The following XXYLT1 variants were observed in gnomAD, a reference collection of about 807,000 sequenced individuals.
The protein encoded by XXYLT1 is UDP-xylose:alpha-xyloside alpha-1,3-xylosyltransferase.
Under a neutral mutation model 28.9 loss-of-function variants are expected in XXYLT1, and 20 were observed. The ratio of observed to expected loss-of-function variants is 0.69; its 90% CI spans 0.49 to 1.00. XXYLT1 has a LOEUF of 1.00. XXYLT1 is among the 50% of genes least tolerant of loss of function. The pLI, the probability that XXYLT1 is intolerant of heterozygous loss-of-function variation, is 0.00. For synonymous variants in XXYLT1, 257 were observed against 253.8 expected (o/e 1.01, Z -0.12); for missense variants, 542 against 560.1 (o/e 0.97, Z 0.33).
chr3:195,209,864 C>G lies in XXYLT1; in HGVS notation c.652+16845G>C, dbSNP rs983263965. On this transcript the variant is annotated intron_variant, in intron 2 of 3. Transcript: ENST00000310380. This position sits in a 1 kb window ranked among gnomAD's most constrained non-coding sequence, Gnocchi z 5.0. ...AGCAGGCCCGAGACTCCGTCCAAGG[C>G]GGCTGACCAGCAGGACCTGGCCATC... 5 of 151,402 alleles carry G rather than the reference C, an allele frequency of 3.3e-5. No homozygotes were observed. Among genetic ancestry groups the G allele is most frequent in the African/African-American group, 9.9e-5 (4 of 40,240 alleles). The allele number at this position is 151,402 out of a possible 1,614,324, so 9.4% of individuals were successfully genotyped here.
chr3:195,228,357 T>C (rs996320931), intron 1 of XXYLT1, among the ~76,000 whole-genome samples: 2 of 151,948 alleles, frequency 1.3e-5, no homozygotes, highest in Admixed American at 1.3e-4. Flanking sequence ...CCCCTTTCCC[T>C]CCACCTGCCC....
chr3:195,252,727 CAGAGAGAGAG>C (rs10649695), intron 1 of XXYLT1, among the ~76,000 whole-genome samples: 1 of 119,010 alleles, frequency 8.4e-6, no homozygotes, highest in Non-Finnish European at 1.7e-5. Context: ...CACACACACA[CAGAGAGAGAG>C]AGAGAGAGAG....
At chr3:195,261,114 G>A (rs1321963904) in intron 1 of XXYLT1, among the ~76,000 whole-genome samples, 1 of 152,228 alleles carries the variant, frequency 6.6e-6, no homozygotes, top group Non-Finnish European at 1.5e-5. Flanking sequence ...GCTCAAGTGA[G>A]GCGTCTGCAC....
At chr3:195,110,861 G>GTGTGTGGTGTA (rs1717661454) in intron 3 of XXYLT1, among the ~76,000 whole-genome samples, 1 of 109,914 alleles carries the variant, frequency 9.1e-6, no homozygotes, top group Admixed American at 9.5e-5. Flanking sequence ...TTGTATAAGT[G>GTGTGTGGTGTA]TGTGTGTGGT....
chr3:195,245,149 G>A (rs988033891), intron 1 of XXYLT1, among the ~76,000 whole-genome samples: 5 of 150,242 alleles, frequency 3.3e-5, no homozygotes, highest in African/African-American at 4.9e-5. Context: ...CTTATGTGTA[G>A]CCCAAGAAAA....
In XXYLT1 at chr3:195,195,089, A is replaced by T. The variant is rs538772590; in HGVS notation, c.652+31620T>A. On this transcript the variant is annotated intron_variant, in intron 2 of 3. Coordinates refer to ENST00000310380, the MANE Select transcript of XXYLT1 (RefSeq NM_152531.5). The surrounding 1 kb of genome is among the most constrained non-coding windows in gnomAD (Gnocchi z 4.4). The stretch of plus-strand genomic sequence containing the variant: ...CTCAACAAAGCTGGGTTTTTTTTTT[A>T]AAAGGACAATGTACATAAAAATTCT... 1.5e-4 allele frequency among the ~76,000 whole-genome samples: 22 copies of T among 151,494 alleles called. No homozygotes were observed. Among genetic ancestry groups the T allele is most frequent in the South Asian group, 1.3e-3 (6 of 4,772 alleles).
Position 195,256,507 on chromosome 3 carries a change from A to G in XXYLT1, c.504+14048T>C, listed in dbSNP as rs1315088946. On this transcript the variant is annotated intron_variant, in intron 1 of 3. Coordinates refer to ENST00000310380, the MANE Select transcript of XXYLT1 (RefSeq NM_152531.5). This position sits in a 1 kb window ranked among gnomAD's most constrained non-coding sequence, Gnocchi z 4.2. ...GGAAGTCAGCACGGAAGCCTCACCT[A>G]GGGTCATTCCAGGGATTATCCCAGA... The G allele has an allele frequency of 1.0e-6, 1 of 985,276 alleles. No individual in the cohort carries two copies. Among genetic ancestry groups the G allele is most frequent in the Admixed American group, 6.1e-5 (1 of 16,272 alleles). 61.0% of individuals were successfully genotyped at this position (985,276 alleles called of 1,614,324 possible). A position where few individuals can be genotyped will look rare whatever the true frequency, so the allele number is the denominator to read the frequency against.
At chr3:195,226,007 G>A (rs1169856905) in intron 2 of XXYLT1, among the ~76,000 whole-genome samples, 2 of 152,092 alleles carry the variant, frequency 1.3e-5, no homozygotes, top group South Asian at 2.1e-4. Flanking sequence ...TATGAACAGC[G>A]TGAGAACAGA....
chr3:195,172,939 G>A (rs889036032), intron 2 of XXYLT1, among the ~76,000 whole-genome samples: 1 of 152,190 alleles, frequency 6.6e-6, no homozygotes, highest in Admixed American at 6.5e-5. Context: ...AGGAAGAAAG[G>A]TACTAAAGCT....
Position 195,104,253 on chromosome 3 carries a change from T to C in XXYLT1, c.786-34142A>G, listed in dbSNP as rs565027984. ...TGTGTGTGTGTGTGTGTGTATTTTA[T>C]GAGAGGGCAGATGCCATGAGAGGAA... On this transcript the variant is annotated intron_variant, in intron 3 of 3. Coordinates refer to ENST00000310380, the MANE Select transcript of XXYLT1 (RefSeq NM_152531.5). 9.3e-4 allele frequency among the ~76,000 whole-genome samples: 137 copies of C among 147,756 alleles called. 1 individual carries two copies. Among genetic ancestry groups the C allele is most frequent in the African/African-American group, 3.2e-3 (128 of 39,450 alleles).
Position 195,084,362 on chromosome 3 carries a change from G to A in XXYLT1, c.786-14251C>T, listed in dbSNP as rs191490335. Among the ~76,000 whole-genome samples the A allele has an allele frequency of 2.9e-3, 436 of 152,090 alleles. 2 individuals are homozygous for A. Among genetic ancestry groups the A allele is most frequent in the Non-Finnish European group, 5.1e-3 (349 of 67,988 alleles). On this transcript the variant is annotated intron_variant, in intron 3 of 3. Coordinates refer to ENST00000310380, the MANE Select transcript of XXYLT1 (RefSeq NM_152531.5). ...AGGCAGGAGGCCCGATTCAAGTCAG[G>A]GCCCTGGCCCTAGACCCAAAATCTT...
At chr3:195,142,557 A>G (rs1208307101) in intron 3 of XXYLT1, among the ~76,000 whole-genome samples, 1 of 152,240 alleles carries the variant, frequency 6.6e-6, no homozygotes, top group African/African-American at 2.4e-5. Context: ...AAAAGGGGCC[A>G]CCTAATTAGT....
At position 195,129,929 on chromosome 3, in the gene XXYLT1, C is replaced by T. The variant is rs1191725058; in HGVS notation, c.785+26520G>A. Among the ~76,000 whole-genome samples, 1 of 152,182 alleles carries T rather than the reference C, an allele frequency of 6.6e-6. No individual in the cohort carries two copies. Among genetic ancestry groups the T allele is most frequent in the African/African-American group, 2.4e-5 (1 of 41,432 alleles). ...CTGTACCACTTCATATTCCCACCACCAGTGAGTGCGGGTTCCCATGCCTCC... is the reference window on the plus strand; with the variant it reads ...CTGTACCACTTCATATTCCCACCACTAGTGAGTGCGGGTTCCCATGCCTCC... On this transcript the variant is annotated intron_variant, in intron 3 of 3. Transcript: ENST00000310380. This position sits in a 1 kb window ranked among gnomAD's most constrained non-coding sequence, Gnocchi z 4.4.
chr3:195,181,341 C>G (rs1444479340), intron 2 of XXYLT1, among the ~76,000 whole-genome samples: 3 of 152,144 alleles, frequency 2.0e-5, no homozygotes, highest in Admixed American at 6.5e-5. Flanking sequence ...GCCTTTATGT[C>G]TTTTTCTATG....
intron 1 of XXYLT1, among the ~76,000 whole-genome samples, chr3:195,233,331 T>C (rs1004357217): frequency 1.3e-5 from 2 of 152,226 alleles, no homozygotes; most frequent in African/African-American, 4.8e-5. Flanking sequence ...ATTCACTCTT[T>C]GTCTTTTGAT....
At chr3:195,102,751 G>A (rs1201853096) in intron 3 of XXYLT1, among the ~76,000 whole-genome samples, 1 of 152,196 alleles carries the variant, frequency 6.6e-6, no homozygotes, top group Non-Finnish European at 1.5e-5. Flanking sequence ...CTTGGCTACT[G>A]TGAATAACGT....
chr3:195,226,964 C>G, intron 1 of XXYLT1, 108 bp from the exon 2 acceptor site: 1 of 1,341,718 alleles, frequency 7.5e-7, no homozygotes, highest in Non-Finnish European at 1.0e-6. Flanking sequence ...CAGTGCCTCT[C>G]CAGGGTCCAC....
At chr3:195,110,775 G>C (rs1207835715) in intron 3 of XXYLT1, among the ~76,000 whole-genome samples, 2 of 28,172 alleles carry the variant, frequency 7.1e-5, no homozygotes, top group South Asian at 2.3e-3. Context: ...TGTGGTGTGT[G>C]TGTGGTGTAT....
intron 2 of XXYLT1, among the ~76,000 whole-genome samples, chr3:195,213,389 C>T (rs898537601): frequency 1.3e-5 from 2 of 152,010 alleles, no homozygotes; most frequent in Admixed American, 1.3e-4. Flanking sequence ...CTCAGCCTCC[C>T]GAGTAGCTGG....
Sources: gnomAD v4.1 joint callset for allele counts (sites outside exome capture counted in the v4.1 genomes callset) on GRCh38, gnomAD v4.1.1 for gene constraint, Gnocchi (gnomAD v3.1) non-coding constraint, MANE v1.5 for transcripts, NCBI Gene and HGNC (gene_info 2026-07-23, HGNC 2026-07-21) for gene names.